Variants in THSD7B observed in about 807,000 individuals in gnomAD.
THSD7B encodes thrombospondin type 1 domain containing 7B, also known as thrombospondin type-1 domain-containing protein 7B.
A neutral mutation model predicts 213.6 loss-of-function variants in THSD7B; 138 were observed. The observed-to-expected ratio is 0.65, with a 90% CI of 0.56 to 0.74. THSD7B has a LOEUF of 0.74. THSD7B is among the 30% of genes least tolerant of loss of function. THSD7B has a pLI of 0.00. For missense variants in THSD7B, 1,931 were observed against 1,991.5 expected (o/e 0.97, Z 0.58); for synonymous variants, 742 against 687.0 (o/e 1.08, Z -1.25).
intron 2 of THSD7B, among the ~76,000 whole-genome samples, chr2:136,917,711 G>A (rs944301106): frequency 2.6e-5 from 4 of 152,106 alleles, no homozygotes; most frequent in East Asian, 1.9e-4. Context: ...TATGTAACCC[G>A]AGCCATAAGT....
chr2:136,887,788 TATA>T (rs1683745368), intron 2 of THSD7B, among the ~76,000 whole-genome samples: 1 of 152,098 alleles, frequency 6.6e-6, no homozygotes, highest in Non-Finnish European at 1.5e-5. Context: ...CTAATACAAG[TATA>T]ATACTAACAC....
chr2:137,349,640 A>G (rs910045766), intron 12 of THSD7B, among the ~76,000 whole-genome samples: 2 of 151,786 alleles, frequency 1.3e-5, no homozygotes, highest in African/African-American at 2.4e-5. Flanking sequence ...GGCTATTGCT[A>G]TTGCTTGCTG....
rs1471509275 is a variant in THSD7B at position 137,275,590 on chromosome 2, A to G, written c.2397-333A>G. Among the ~76,000 whole-genome samples the G allele has an allele frequency of 4.6e-5, 7 of 151,222 alleles. No homozygotes were observed. In the East Asian group the frequency reaches 9.7e-4, roughly 21 times the overall value. On this transcript the variant is annotated intron_variant, in intron 11 of 27. Transcript: ENST00000409968. ...AGTGCATAAAGAACTAAAGAACTAG[A>G]CCCTCCAGACTGATCAGTGCCTCTA...
Position 137,231,158 on chromosome 2 carries a change from G to A in THSD7B, c.1838G>A (p.Cys613Tyr), listed in dbSNP as rs749850741. 23 of 1,613,580 alleles carry A rather than the reference G, an allele frequency of 1.4e-5. No homozygotes were observed. Among genetic ancestry groups the A allele is most frequent in the Admixed American group, 6.7e-5 (4 of 59,922 alleles). Residue 613 changes from cysteine to tyrosine, a missense_variant, in exon 8 of 28, where the codon TGT (cysteine) becomes TAT (tyrosine). Physicochemically the swap from Cys to Tyr is radical, Grantham distance 194. Transcript: ENST00000409968. ...AGCGAGTGGACGGAGTGGTCATCCT[G>A]TTCCCAGTCCTGTTCAAATAAAAAC... ...VLSEWTEWSSCSQSCSNKNSD... is the reference protein window; with the variant it reads ...VLSEWTEWSSYSQSCSNKNSD...
At chr2:137,355,592 A>G (rs897673032) in intron 12 of THSD7B, among the ~76,000 whole-genome samples, 9 of 152,176 alleles carry the variant, frequency 5.9e-5, no homozygotes, top group Non-Finnish European at 8.8e-5. Context: ...AGATTAAAAC[A>G]CAGGAGTATG....
At chr2:137,136,359 A>G (rs572068104) in intron 5 of THSD7B, among the ~76,000 whole-genome samples, 2 of 152,344 alleles carry the variant, frequency 1.3e-5, no homozygotes, top group East Asian at 3.9e-4. Context: ...CAGTTCACAA[A>G]CAAGGAGAAA....
chr2:137,138,284 A>T (rs1434960356), intron 5 of THSD7B, among the ~76,000 whole-genome samples: 2 of 152,082 alleles, frequency 1.3e-5, no homozygotes, highest in Non-Finnish European at 2.9e-5. Context: ...GTTTGATAGG[A>T]TTTCTGGAAT....
intron 10 of THSD7B, among the ~76,000 whole-genome samples, chr2:137,250,689 G>A (rs1451835545): frequency 1.3e-5 from 2 of 152,278 alleles, no homozygotes; most frequent in African/African-American, 4.8e-5. Context: ...TCTCTCCATC[G>A]TAGAGAATAC....
intron 1 of THSD7B, among the ~76,000 whole-genome samples, chr2:136,791,436 A>G (rs569847428): frequency 2.9e-4 from 44 of 152,108 alleles, no homozygotes; most frequent in African/African-American, 9.6e-4. Flanking sequence ...TAGTATATAT[A>G]TGAAGTGGTG....
chr2:137,660,124 A>T (rs1264759955), intron 25 of THSD7B, among the ~76,000 whole-genome samples: 2 of 152,124 alleles, frequency 1.3e-5, no homozygotes, highest in Non-Finnish European at 1.5e-5. Flanking sequence ...TTACACTATG[A>T]TTACTGTTGA....
At chr2:137,675,141 TA>T (rs1263836903) in intron 27 of THSD7B, among the ~76,000 whole-genome samples, 23 of 152,078 alleles carry the variant, frequency 1.5e-4, no homozygotes, top group Admixed American at 1.4e-3. Flanking sequence ...GGCAGAAAGT[TA>T]ATTGATGAAT....
At chr2:136,770,404 A>C (rs1485698730) in intron 1 of THSD7B, among the ~76,000 whole-genome samples, 1 of 152,196 alleles carries the variant, frequency 6.6e-6, no homozygotes, top group Non-Finnish European at 1.5e-5. Flanking sequence ...GGGCACATGA[A>C]TACAGCCTTA....
At chr2:137,111,770 C>T (rs372735682) in intron 4 of THSD7B, among the ~76,000 whole-genome samples, 3 of 152,280 alleles carry the variant, frequency 2.0e-5, no homozygotes, top group South Asian at 4.1e-4. Context: ...CACACTCTCA[C>T]GTTGGTAAGG....
intron 7 of THSD7B, among the ~76,000 whole-genome samples, chr2:137,229,968 A>G (rs1681600783): frequency 6.6e-6 from 1 of 152,204 alleles, no homozygotes; most frequent in South Asian, 2.1e-4. Flanking sequence ...CCATAAAGTC[A>G]TACAAACAAA....
At chr2:137,578,787 A>G (rs979008152) in intron 17 of THSD7B, among the ~76,000 whole-genome samples, 9 of 152,134 alleles carry the variant, frequency 5.9e-5, no homozygotes, top group Non-Finnish European at 7.4e-5. Context: ...TTTCTTTTTT[A>G]CAAGGTAACA....
intron 14 of THSD7B, among the ~76,000 whole-genome samples, chr2:137,425,803 C>T (rs1297746189): frequency 6.6e-6 from 1 of 152,104 alleles, no homozygotes; most frequent in Non-Finnish European, 1.5e-5. Flanking sequence ...ATTCTTGCCA[C>T]TTCTACTTAA....
At chr2:136,813,849 G>C (rs1455886982) in intron 1 of THSD7B, among the ~76,000 whole-genome samples, 3 of 152,128 alleles carry the variant, frequency 2.0e-5, no homozygotes, top group Non-Finnish European at 1.5e-5. Context: ...TTATTTTCCT[G>C]TTTATAGAGC....
intron 2 of THSD7B, among the ~76,000 whole-genome samples, chr2:136,960,394 C>G (rs879431040): frequency 2.6e-5 from 4 of 152,072 alleles, no homozygotes; most frequent in African/African-American, 9.7e-5. Context: ...CCACCTTGGC[C>G]GCTTGAAGTG....
intron 2 of THSD7B, among the ~76,000 whole-genome samples, chr2:136,960,640 C>T (rs1685200740): frequency 6.6e-6 from 1 of 152,110 alleles, no homozygotes; most frequent in Non-Finnish European, 1.5e-5. Flanking sequence ...AACATGTGGC[C>T]TTTAGTGTCA....
Sources: gnomAD v4.1 joint callset for allele counts (sites outside exome capture counted in the v4.1 genomes callset) on GRCh38, gnomAD v4.1.1 for gene constraint, MANE v1.5 for transcripts, NCBI Gene and HGNC (gene_info 2026-07-23, HGNC 2026-07-21) for gene names.